The following MAX variants were observed in gnomAD, a reference collection of about 807,000 sequenced individuals.
MAX encodes the protein MYC associated transcriptional regulator X, also known as protein max.
A neutral mutation model predicts 22.3 loss-of-function variants in MAX; 3 were observed. The ratio of observed to expected loss-of-function variants is 0.13; its 90% CI spans 0.06 to 0.35. The LOEUF (loss-of-function observed/expected upper bound fraction) is 0.35. MAX is among the 10% of genes least tolerant of loss of function. The pLI, the probability that MAX is intolerant of heterozygous loss-of-function variation, is 1.00. For missense variants in MAX, 119 were observed against 209.4 expected (o/e 0.57, Z 2.66); for synonymous variants, 72 against 77.7 (o/e 0.93, Z 0.39).
At position 65,097,248 on chromosome 14, in the gene MAX, G is replaced by C. The variant is rs545459537; in HGVS notation, c.64-3433C>G. ...GTTGAAGACAAACATTATTTTGTTA[G>C]CCAAGAAGTTGCTATGTTGGCAAGA... On this transcript the variant is annotated intron_variant, in intron 2 of 4. Coordinates refer to ENST00000358664, the MANE Select transcript of MAX (RefSeq NM_002382.5). 1.8e-4 allele frequency among the ~76,000 whole-genome samples: 27 copies of C among 152,346 alleles called. No homozygotes were observed. The South Asian group carries it at 3.9e-3, about 22-fold the overall frequency.
intron 3 of MAX, among the ~76,000 whole-genome samples, chr14:65,037,756 AT>A (rs1411407207): frequency 1.3e-4 from 17 of 126,608 alleles, no homozygotes; most frequent in Admixed American, 1.7e-4. Context: ...TTATTTATTT[AT>A]TTATTTATTT....
Position 65,078,011 on chromosome 14 carries a change from T to C in MAX, c.197A>G (p.Lys66Arg), listed in dbSNP as rs2063105729. ...CATATACTGGATATATTCTGTGGCTTTGTCTAGGATTTGGGCCCGGGATGC... is the reference window on the plus strand; with the variant it reads ...CATATACTGGATATATTCTGTGGCTCTGTCTAGGATTTGGGCCCGGGATGC... ...EKASRAQILD[K>R]ATEYIQYMRR... Residue 66 changes from lysine (K) to arginine (R), a missense_variant, in exon 4 of 5, where the codon AAA becomes AGA. Physicochemically the swap from Lys to Arg is conservative, Grantham distance 26. This residue lies in a region of MAX where 95 missense variants were observed against 148.1 expected (regional missense o/e 0.64). Transcript: ENST00000358664. The surrounding 1 kb of genome is among the most constrained non-coding windows in gnomAD (Gnocchi z 6.4). 1.2e-6 allele frequency: 2 copies of C among 1,614,156 alleles called. No homozygotes were observed. Among genetic ancestry groups the C allele is most frequent in the Non-Finnish European group, 1.7e-6 (2 of 1,180,028 alleles).
chr14:65,041,739 C>CT (rs1302180941), intron 3 of MAX, among the ~76,000 whole-genome samples: 1 of 152,116 alleles, frequency 6.6e-6, no homozygotes, highest in Non-Finnish European at 1.5e-5. Flanking sequence ...CCGGTGTAGT[C>CT]TTTTTAAAGA....
In MAX at chr14:65,085,109, G is replaced by A. The variant is rs528678096; in HGVS notation, c.172-7073C>T. 5.3e-5 allele frequency among the ~76,000 whole-genome samples: 8 copies of A among 152,198 alleles called. No homozygotes were observed. The East Asian group carries it at 9.6e-4, about 18-fold the overall frequency. On this transcript the variant is annotated intron_variant, in intron 3 of 4. Coordinates refer to ENST00000358664, the MANE Select transcript of MAX (RefSeq NM_002382.5). ...GTTAAGTTGAATTTAAAGACTTGGTGAATAAATAATTTTAAATATATTGAT... is the reference window on the plus strand; with the variant it reads ...GTTAAGTTGAATTTAAAGACTTGGTAAATAAATAATTTTAAATATATTGAT...
At chr14:65,058,809 G>GTGTGTC (rs947132682) in intron 3 of MAX, among the ~76,000 whole-genome samples, 1 of 152,162 alleles carries the variant, frequency 6.6e-6, no homozygotes, top group Non-Finnish European at 1.5e-5. Flanking sequence ...AGTAGAGGCA[G>GTGTGTC]TGTGTCTGTG....
At chr14:65,087,591 G>A (rs574289349) in intron 3 of MAX, among the ~76,000 whole-genome samples, 4 of 151,984 alleles carry the variant, frequency 2.6e-5, no homozygotes, top group African/African-American at 7.3e-5. Context: ...CCCTTTTTTT[G>A]ACCGATTTCT....
At position 65,102,294 on chromosome 14, in the gene MAX, C is replaced by G. The variant is rs1421908769; in HGVS notation, c.36+10G>C. On this transcript the variant is annotated intron_variant, in intron 1 of 4. Transcript: ENST00000358664. ...AACCCGCACGGGAAGGAAGAAGCCCCAGGACTCACGTCGCTCTCCACCTCG... is the reference window on the plus strand; with the variant it reads ...AACCCGCACGGGAAGGAAGAAGCCCGAGGACTCACGTCGCTCTCCACCTCG... 5 of 1,613,722 alleles carry G rather than the reference C, an allele frequency of 3.1e-6. No individual in the cohort carries two copies. In the Admixed American group the frequency reaches 8.3e-5, roughly 27 times the overall value.
chr14:65,084,511 C>T lies in MAX; in HGVS notation c.172-6475G>A, dbSNP rs1271631943. Among the ~76,000 whole-genome samples, 1 of 151,570 alleles carries T rather than the reference C, an allele frequency of 6.6e-6. No homozygotes were observed. Among genetic ancestry groups the T allele is most frequent in the African/African-American group, 2.4e-5 (1 of 41,238 alleles). On this transcript the variant is annotated intron_variant, in intron 3 of 4. Transcript: ENST00000358664. The surrounding 1 kb of genome is among the most constrained non-coding windows in gnomAD (Gnocchi z 4.3). Reference sequence around the variant, plus strand: ...AAATGGAAGAAAGAGGATATAAAAACAATCCTCTTGGAAAGCATTTTGGCA... The same window carrying T: ...AAATGGAAGAAAGAGGATATAAAAATAATCCTCTTGGAAAGCATTTTGGCA...
rs1323386467 is a variant in MAX at position 65,056,739 on chromosome 14, A to G, written c.171+36969T>C. On this transcript the variant is annotated intron_variant, in intron 3 of 3. Coordinates refer to the MAX transcript ENST00000341653. ...TGTATATTTTTAATACTAATCTTCT[A>G]TCAGTTACATGTGTGTAGTGAATAT... Among the ~76,000 whole-genome samples the G allele has an allele frequency of 2.0e-5, 3 of 152,134 alleles. No individual in the cohort carries two copies. In the East Asian group the frequency reaches 5.8e-4, roughly 29 times the overall value.
chr14:65,058,683 T>C (rs901221615), intron 3 of MAX, among the ~76,000 whole-genome samples: 2 of 152,248 alleles, frequency 1.3e-5, no homozygotes, highest in Non-Finnish European at 2.9e-5. Context: ...CATAAGGTAG[T>C]GTTAAATTTT....
rs1275851627 is a variant in MAX, at chr14:65,029,022, T to TC, written c.172-22739dup. Reference sequence around the variant, plus strand: ...CTTATTCATTCCAGCACTTTTTTTTTCCCTATGCTCTTTATTTATATGTTC... The same window carrying TC: ...CTTATTCATTCCAGCACTTTTTTTTTCCCCTATGCTCTTTATTTATATGTTC... On this transcript the variant is annotated intron_variant, in intron 3 of 3. Transcript: ENST00000341653. The surrounding 1 kb of genome is among the most constrained non-coding windows in gnomAD (Gnocchi z 4.7). Among the ~76,000 whole-genome samples the TC allele has an allele frequency of 6.6e-6, 1 of 152,222 alleles. No homozygotes were observed. The highest frequency in any genetic ancestry group is 1.9e-4 in the East Asian group (1 of 5,196).
intron 3 of MAX, among the ~76,000 whole-genome samples, chr14:65,055,221 A>G (rs2062705753): frequency 6.6e-6 from 1 of 152,164 alleles, no homozygotes; most frequent in Non-Finnish European, 1.5e-5. Flanking sequence ...TTCCTGAAAA[A>G]ACAATAGCCC....
chr14:65,045,887 G>C (rs890343387), intron 3 of MAX, among the ~76,000 whole-genome samples: 2 of 152,358 alleles, frequency 1.3e-5, no homozygotes, highest in Non-Finnish European at 2.9e-5. Flanking sequence ...AACACAGCAA[G>C]TGCACTGTCA....
At chr14:65,071,601 C>G (rs1255486467), downstream of MAX, among the ~76,000 whole-genome samples, 1 of 152,258 alleles carries the variant, frequency 6.6e-6, no homozygotes, top group Non-Finnish European at 1.5e-5. This position sits in a 1 kb window ranked among gnomAD's most constrained non-coding sequence, Gnocchi z 4.2. Flanking sequence ...GCACTTGGTG[C>G]TATTATTGTC....
chr14:65,094,649 C>T (rs1021305260), intron 2 of MAX, among the ~76,000 whole-genome samples: 2 of 152,202 alleles, frequency 1.3e-5, no homozygotes, highest in Non-Finnish European at 2.9e-5. Flanking sequence ...TCACAAAGAA[C>T]GGTCAGCTGG....
Position 65,075,206 on chromosome 14 carries a change from G to A in MAX, c.*1270C>T. 1 of 1,047,974 alleles carries A rather than the reference G, an allele frequency of 9.5e-7. No individual in the cohort carries two copies. Among genetic ancestry groups the A allele is most frequent in the East Asian group, 5.6e-5 (1 of 18,000 alleles). 64.9% of individuals were successfully genotyped at this position (1,047,974 alleles called of 1,614,324 possible). ...TTGCAAGACAATTCTTCGGCAGTAT[G>A]TACAACATACTTTTTATTTCCATGG... On this transcript the variant is annotated 3_prime_UTR_variant, in exon 5 of 5. Transcript: ENST00000358664. The surrounding 1 kb of genome is among the most constrained non-coding windows in gnomAD (Gnocchi z 4.1).
rs79800607 is a variant in MAX at position 65,010,636 on chromosome 14, C to T, written c.172-4352G>A. On this transcript the variant is annotated intron_variant, in intron 3 of 3. Transcript: ENST00000341653. ...ACATACTGACTACCTACTGTTTCTCCAAAGCACAGTTCTGATCATTTCTTT... is the reference window on the plus strand; with the variant it reads ...ACATACTGACTACCTACTGTTTCTCTAAAGCACAGTTCTGATCATTTCTTT... 6.8e-3 allele frequency among the ~76,000 whole-genome samples: 1,039 copies of T among 152,332 alleles called. 12 individuals are homozygous for T. The highest frequency in any genetic ancestry group is 0.023 in the African/African-American group (956 of 41,560).
chr14:65,040,259 G>GTATATATATGTATATATATGTGTGTATA (rs1281038446), intron 3 of MAX, among the ~76,000 whole-genome samples: 3 of 144,986 alleles, frequency 2.1e-5, no homozygotes, highest in Non-Finnish European at 3.0e-5. Flanking sequence ...ATATATATAT[G>GTATATATATGTATATATATGTGTGTATA]TATATATATG....
At chr14:65,064,744 G>C (rs1381573160) in intron 3 of MAX, among the ~76,000 whole-genome samples, 1 of 152,214 alleles carries the variant, frequency 6.6e-6, no homozygotes, top group African/African-American at 2.4e-5. Flanking sequence ...TAGTTTTTGG[G>C]AACGGGGAAG....
Sources: allele counts gnomAD v4.1 joint callset (sites outside exome capture counted in the v4.1 genomes callset), GRCh38; gene constraint gnomAD v4.1.1; regional missense constraint gnomAD v4.1.1; non-coding constraint Gnocchi (gnomAD v3.1); transcripts MANE v1.5; gene names NCBI Gene and HGNC (gene_info 2026-07-23, HGNC 2026-07-21).